Variants in PAPOLG observed in about 807,000 individuals in gnomAD.
The protein encoded by PAPOLG is poly(A) polymerase gamma, also known as PAP-gamma.
In PAPOLG, 40 loss-of-function variants were observed where a neutral mutation model predicts 99.0. That is an observed-to-expected ratio of 0.40 (90% confidence interval 0.31 to 0.53). PAPOLG has a LOEUF of 0.53. Among genes scored for constraint, PAPOLG ranks in the 20% least tolerant of loss-of-function variants. PAPOLG has a pLI of 0.41. For missense variants in PAPOLG, 675 were observed against 884.1 expected, an observed-to-expected ratio of 0.76 and a Z score of 3.00; for synonymous variants, 310 against 299.3, an observed-to-expected ratio of 1.04 and a Z score of -0.37.
intron 3 of PAPOLG, among the ~76,000 whole-genome samples, chr2:60,764,269 A>G (rs767498744): frequency 2.0e-5 from 3 of 152,124 alleles, no homozygotes; most frequent in African/African-American, 4.8e-5. Flanking sequence ...TAGTTTTCCT[A>G]TCTTTGCCTT....
At chr2:60,769,437 A>T (rs547808296) in intron 5 of PAPOLG, among the ~76,000 whole-genome samples, 2 of 152,350 alleles carry the variant, frequency 1.3e-5, no homozygotes, top group South Asian at 4.1e-4. Context: ...TATGTGAACT[A>T]AATAAACAAA....
At chr2:60,782,654 T>C (rs13032527) in intron 11 of PAPOLG, 32 bp from the exon 12 acceptor site, 2 of 205,120 alleles carry the variant, frequency 9.8e-6, no homozygotes, top group Non-Finnish European at 7.1e-6. Flanking sequence ...ATTCTTCTTC[T>C]TTTTTTTTTT....
intron 17 of PAPOLG, among the ~76,000 whole-genome samples, chr2:60,793,107 A>G (rs1671591057): frequency 6.6e-6 from 1 of 150,642 alleles, no homozygotes; most frequent in Non-Finnish European, 1.5e-5. Flanking sequence ...TGGGAGGCCA[A>G]GGTGGGAGAA....
At chr2:60,757,798 T>C (rs1035732628) in intron 1 of PAPOLG, among the ~76,000 whole-genome samples, 5 of 152,308 alleles carry the variant, frequency 3.3e-5, no homozygotes, top group Admixed American at 2.0e-4. Context: ...GTAAGTGAAA[T>C]TGATGGTTTG....
At chr2:60,766,957 A>G (rs1008264277) in intron 3 of PAPOLG, among the ~76,000 whole-genome samples, 7 of 152,200 alleles carry the variant, frequency 4.6e-5, no homozygotes, top group African/African-American at 1.7e-4. Flanking sequence ...CAACAACTAT[A>G]TTTAATAGAG....
At chr2:60,778,224 G>A (rs564000504) in intron 8 of PAPOLG, among the ~76,000 whole-genome samples, 1 of 152,272 alleles carries the variant, frequency 6.6e-6, no homozygotes, top group East Asian at 1.9e-4. Context: ...ATAGCTCACT[G>A]CAGCCTCAAC....
rs774866397 is a variant in PAPOLG, at chr2:60,795,021, G to A, written c.2112+1G>A. On this transcript the variant is annotated splice_donor_variant, in intron 21 of 21. Coordinates refer to ENST00000238714, the MANE Select transcript of PAPOLG (RefSeq NM_022894.4). LOFTEE classifies it high-confidence loss of function. ...AACTATTGATACATCACGCAAAAAG[G>A]TAACAAGATAGTCTTGTTCATAGGT... 5 of 1,609,192 alleles carry A rather than the reference G, an allele frequency of 3.1e-6. No individual in the cohort carries two copies. Among genetic ancestry groups the A allele is most frequent in the East Asian group, 2.2e-5 (1 of 44,814 alleles).
Position 60,764,626 on chromosome 2 carries a change from A to G in PAPOLG, c.246+2819A>G, listed in dbSNP as rs182241908. Among the ~76,000 whole-genome samples, 851 of 152,160 alleles carry G rather than the reference A, an allele frequency of 5.6e-3. 3 individuals carry two copies. Among genetic ancestry groups the G allele is most frequent in the Non-Finnish European group, 6.5e-3 (441 of 67,990 alleles). ...TTTTTGATAGAGACGGGGTTTTGCC[A>G]TGTTGGCCAGGCTGATCTCGAACTC... On this transcript the variant is annotated intron_variant, in intron 3 of 21. Transcript: ENST00000238714.
In PAPOLG at chr2:60,799,078, G is replaced by C. The variant is rs1029100428; in HGVS notation, c.*1918G>C. ...AATGAATGATTATGAAAGAACCGAAGAATTATCACCTGACTTCAACTTTTG... is the reference window on the plus strand; with the variant it reads ...AATGAATGATTATGAAAGAACCGAACAATTATCACCTGACTTCAACTTTTG... On this transcript the variant is annotated 3_prime_UTR_variant, in exon 22 of 22. Transcript: ENST00000238714. 1 of 152,298 alleles carries C rather than the reference G, an allele frequency of 6.6e-6. No homozygotes were observed. The highest frequency in any genetic ancestry group is 2.4e-5 in the African/African-American group (1 of 41,428). 9.4% of individuals were successfully genotyped at this position (152,298 alleles called of 1,614,324 possible). A position where few individuals can be genotyped will look rare whatever the true frequency, so the allele number is the denominator to read the frequency against.
intron 2 of PAPOLG, among the ~76,000 whole-genome samples, chr2:60,761,389 A>G (rs1358012260): frequency 7.9e-5 from 12 of 152,244 alleles, no homozygotes; most frequent in African/African-American, 1.9e-4. Context: ...TCTAGCTTCT[A>G]TTACCACATT....
intron 13 of PAPOLG, among the ~76,000 whole-genome samples, chr2:60,785,295 G>A (rs1048003760): frequency 4.6e-5 from 7 of 151,842 alleles, no homozygotes; most frequent in Admixed American, 2.6e-4. Context: ...CCCGCACCTC[G>A]CCTGGCTAAT....
At position 60,771,636 on chromosome 2, in the gene PAPOLG, C is replaced by A. The variant is rs1670854098; in HGVS notation, c.604+6C>A. On this transcript the variant is annotated splice_donor_region_variant and intron_variant, in intron 7 of 21. Coordinates refer to ENST00000238714, the MANE Select transcript of PAPOLG (RefSeq NM_022894.4). The stretch of plus-strand genomic sequence containing the variant: ...GTGTATTCGCAGCTTAAATGGTAAG[C>A]TTCTAAAAAGAAATCTCAGATACCT... 1.3e-6 allele frequency: 2 copies of A among 1,589,126 alleles called. No homozygotes were observed. Among genetic ancestry groups the A allele is most frequent in the Non-Finnish European group, 1.7e-6 (2 of 1,174,118 alleles).
chr2:60,787,990 C>T (rs1335368957), intron 15 of PAPOLG, among the ~76,000 whole-genome samples: 1 of 150,998 alleles, frequency 6.6e-6, no homozygotes, highest in Non-Finnish European at 1.5e-5. Context: ...TGCAGTGAGC[C>T]GAGATCGCCC....
intron 8 of PAPOLG, among the ~76,000 whole-genome samples, chr2:60,779,184 T>C (rs78748476): frequency 0.11 from 16,644 of 152,258 alleles, 890 homozygotes; most frequent in Middle Eastern, 0.14. Context: ...GAAGTAAGTC[T>C]CCAGCTTTAT....
At chr2:60,770,600 A>T in intron 6 of PAPOLG, 89 bp downstream of exon 6, 1 of 790,856 alleles carries the variant, frequency 1.3e-6, no homozygotes, top group Non-Finnish European at 1.9e-6. Context: ...ATAAATGCAT[A>T]TTTTAAAAAA....
At chr2:60,780,653 A>C (rs886796978) in intron 9 of PAPOLG, 54 bp from the exon 10 acceptor site, 14 of 1,527,804 alleles carry the variant, frequency 9.2e-6, no homozygotes, top group Non-Finnish European at 1.2e-5. Context: ...ATAAAGTTTC[A>C]TGTAGTACCT....
intron 1 of PAPOLG, among the ~76,000 whole-genome samples, chr2:60,758,207 C>T (rs1320829503): frequency 1.3e-5 from 2 of 151,968 alleles, no homozygotes; most frequent in Non-Finnish European, 2.9e-5. Context: ...CTAGCTTTCT[C>T]AGAGGTAAAA....
rs1670341319 is a variant in PAPOLG at position 60,756,440 on chromosome 2, A to G, written c.-39A>G. ...GGGAACAGCAAGAACAGGACTCCAG[A>G]GCGATAAACACTCGCTGGAGAGGGA... On this transcript the variant is annotated 5_prime_UTR_variant, in exon 1 of 22. Coordinates refer to ENST00000238714, the MANE Select transcript of PAPOLG (RefSeq NM_022894.4). 6.2e-7 allele frequency: 1 copy of G among 1,612,288 alleles called. No homozygotes were observed.
Position 60,776,418 on chromosome 2 carries a change from A to ATT in PAPOLG, c.694+1321_694+1322dup, listed in dbSNP as rs70959863. On this transcript the variant is annotated intron_variant, in intron 8 of 21. Transcript: ENST00000238714. ...GGAATGTTAAATGAGCATTGGCTTC[A>ATT]TTTTTTTTTTTTTTTTTTTTTTTTT... Among the ~76,000 whole-genome samples, 102 of 85,868 alleles carry ATT rather than the reference A, an allele frequency of 1.2e-3. 1 individual carries two copies. Among genetic ancestry groups the ATT allele is most frequent in the African/African-American group, 1.7e-3 (34 of 20,442 alleles). 56.3% of individuals were successfully genotyped at this position (85,868 alleles called of 152,430 possible). A position where few individuals can be genotyped will look rare whatever the true frequency, so the allele number is the denominator to read the frequency against.
Sources: gnomAD v4.1 joint callset for allele counts (sites outside exome capture counted in the v4.1 genomes callset) on GRCh38, gnomAD v4.1.1 for gene constraint, MANE v1.5 for transcripts, NCBI Gene and HGNC (gene_info 2026-07-23, HGNC 2026-07-21) for gene names.